INSYN2B: variants seen among roughly 807,000 people sequenced by gnomAD.
The protein encoded by INSYN2B is protein INSYN2B.
A neutral mutation model predicts 41.2 loss-of-function variants in INSYN2B; 16 were observed. The ratio of observed to expected loss-of-function variants is 0.39; its 90% CI spans 0.26 to 0.59. The LOEUF (loss-of-function observed/expected upper bound fraction) is 0.59. Ranked by LOEUF, INSYN2B falls within the 20% of genes least tolerant of loss-of-function variation. The pLI, the probability that INSYN2B is intolerant of heterozygous loss-of-function variation, is 0.57. For missense variants in INSYN2B, 608 were observed against 646.4 expected (o/e 0.94, Z 0.64); for synonymous variants, 245 against 244.4 (o/e 1.00, Z -0.02).
chr5:169,869,734 C>T (rs1561780815), intron 3 of INSYN2B, among the ~76,000 whole-genome samples: 1 of 152,146 alleles, frequency 6.6e-6, no homozygotes, highest in Non-Finnish European at 1.5e-5. Context: ...CTTAGCAGAG[C>T]GTTGTTTGCA....
At chr5:169,956,419 G>A (rs911951294) in intron 1 of INSYN2B, among the ~76,000 whole-genome samples, 3 of 152,106 alleles carry the variant, frequency 2.0e-5, no homozygotes, top group South Asian at 2.1e-4. Flanking sequence ...TCCCTCTCTC[G>A]TGGGTTGTAT....
rs1771291369 is a variant in INSYN2B, at chr5:169,862,850, G to C, written c.*1423C>G. ...GTAGGTACATCCCACGAACACACAG[G>C]ATTCTGTGCTCTGCAAAGATTCTAG... On this transcript the variant is annotated 3_prime_UTR_variant, in exon 4 of 4. Transcript: ENST00000377365. Among the ~76,000 whole-genome samples, 1 of 152,210 alleles carries C rather than the reference G, an allele frequency of 6.6e-6. No homozygotes were observed. Among genetic ancestry groups the C allele is most frequent in the African/African-American group, 2.4e-5 (1 of 41,446 alleles).
chr5:169,958,106 C>T (rs1299686257), intron 1 of INSYN2B, among the ~76,000 whole-genome samples: 1 of 152,178 alleles, frequency 6.6e-6, no homozygotes, highest in African/African-American at 2.4e-5. Flanking sequence ...AAGTGTGAAA[C>T]ATGACGTCCA....
At chr5:169,906,717 A>G (rs982797130) in intron 1 of INSYN2B, among the ~76,000 whole-genome samples, 4 of 152,160 alleles carry the variant, frequency 2.6e-5, no homozygotes, top group Admixed American at 6.5e-5. Flanking sequence ...ATCTAAGCCC[A>G]TTATCTTTCT....
At chr5:169,973,023 C>T (rs539727102) in intron 1 of INSYN2B, among the ~76,000 whole-genome samples, 17 of 152,242 alleles carry the variant, frequency 1.1e-4, no homozygotes, top group African/African-American at 3.6e-4. Flanking sequence ...CTGGATGATA[C>T]GTTTGGCTTG....
chr5:169,934,604 T>C (rs1335264223), intron 1 of INSYN2B: 1 of 455,924 alleles, frequency 2.2e-6, no homozygotes. Flanking sequence ...CTGTCTGACC[T>C]TGGGCAAGAT....
chr5:169,870,701 C>T (rs915028561), intron 3 of INSYN2B, among the ~76,000 whole-genome samples: 1 of 151,940 alleles, frequency 6.6e-6, no homozygotes, highest in Non-Finnish European at 1.5e-5. Context: ...ATGCTGCACC[C>T]ATTAACTCAT....
At position 169,898,751 on chromosome 5, in the gene INSYN2B, A is replaced by G. The variant is rs143420426; in HGVS notation, c.-918-13935T>C. Among the ~76,000 whole-genome samples the G allele has an allele frequency of 1.6e-3, 237 of 152,322 alleles. 1 individual carries two copies. Among genetic ancestry groups the G allele is most frequent in the African/African-American group, 5.5e-3 (228 of 41,562 alleles). On this transcript the variant is annotated intron_variant, in intron 1 of 3. Coordinates refer to ENST00000377365, the MANE Select transcript of INSYN2B (RefSeq NM_001129891.3). ...AACTCTACCGTTGTAGCCTGAAAGC[A>G]CACATGGGCAATATGTAAATGAACA...
intron 3 of INSYN2B, among the ~76,000 whole-genome samples, chr5:169,866,151 A>G (rs1462685889): frequency 6.6e-6 from 1 of 151,996 alleles, no homozygotes; most frequent in African/African-American, 2.4e-5. Flanking sequence ...AGGGAGCACT[A>G]GGAAAGGGTA....
chr5:169,950,388 T>C (rs1776611226), intron 1 of INSYN2B, among the ~76,000 whole-genome samples: 1 of 152,198 alleles, frequency 6.6e-6, no homozygotes. Flanking sequence ...AAAACAGTAG[T>C]ATTATCTCAG....
At chr5:169,881,560 CACGGCCA>C (rs1772650247) in intron 2 of INSYN2B, 118 bp from the exon 3 acceptor site, 3 of 730,694 alleles carry the variant, frequency 4.1e-6, no homozygotes, top group South Asian at 1.6e-5. Context: ...TCTGAAGTTG[CACGGCCA>C]TTACAAATAA....
In INSYN2B at chr5:169,913,267, A is replaced by G. The variant is rs75479599; in HGVS notation, c.-918-28451T>C. Among the ~76,000 whole-genome samples, 297 of 152,318 alleles carry G rather than the reference A, an allele frequency of 1.9e-3. 6 individuals carry two copies. The East Asian group carries it at 0.054, about 28-fold the overall frequency. On this transcript the variant is annotated intron_variant, in intron 1 of 3. Transcript: ENST00000377365. ...TCGGCTCTACTCATCCCAAGAGTAG[A>G]GATAATCTTTCTCTTTGTACAGAAA...
Position 169,863,150 on chromosome 5 carries a change from C to T in INSYN2B, c.*1123G>A, listed in dbSNP as rs191698338. Among the ~76,000 whole-genome samples the T allele has an allele frequency of 2.0e-5, 3 of 152,312 alleles. No homozygotes were observed. The highest frequency in any genetic ancestry group is 1.9e-4 in the East Asian group (1 of 5,180). ...GTCTTGTCAACAGAATGAGCCAGAC[C>T]TTGAATAACTCAGACTTTGGGATGG... On this transcript the variant is annotated 3_prime_UTR_variant, in exon 4 of 4. Transcript: ENST00000377365.
At chr5:169,866,179 T>G (rs1419975709) in intron 3 of INSYN2B, among the ~76,000 whole-genome samples, 1 of 152,244 alleles carries the variant, frequency 6.6e-6, no homozygotes, top group African/African-American at 2.4e-5. Context: ...GTTTTGTTTC[T>G]GCATTTTTCA....
chr5:169,879,977 T>C (rs1398786055), intron 3 of INSYN2B, among the ~76,000 whole-genome samples: 1 of 152,222 alleles, frequency 6.6e-6, no homozygotes, highest in Non-Finnish European at 1.5e-5. Context: ...TTAATTCTTC[T>C]TGTTTATGAT....
chr5:169,932,955 C>G (rs1775825792), intron 1 of INSYN2B, among the ~76,000 whole-genome samples: 1 of 151,040 alleles, frequency 6.6e-6, no homozygotes, highest in South Asian at 2.1e-4. Context: ...CTTCCTCCCA[C>G]CGTCAAGCCC....
chr5:169,913,863 A>C (rs1774737377), intron 1 of INSYN2B, among the ~76,000 whole-genome samples: 1 of 150,856 alleles, frequency 6.6e-6, no homozygotes, highest in Non-Finnish European at 1.5e-5. Context: ...TATACTGAGC[A>C]AGAAGCTTAG....
chr5:169,938,172 T>C (rs1776076298), intron 1 of INSYN2B, among the ~76,000 whole-genome samples: 1 of 152,164 alleles, frequency 6.6e-6, no homozygotes, highest in Non-Finnish European at 1.5e-5. Context: ...TCAAGAAAAG[T>C]TTACAGCTAC....
chr5:169,937,932 C>A (rs1453827456), intron 1 of INSYN2B, among the ~76,000 whole-genome samples: 1 of 152,226 alleles, frequency 6.6e-6, no homozygotes, highest in African/African-American at 2.4e-5. Context: ...CACATCCTCT[C>A]CAGGCCTTTG....
Sources: allele counts gnomAD v4.1 joint callset (sites outside exome capture counted in the v4.1 genomes callset), GRCh38; gene constraint gnomAD v4.1.1; transcripts MANE v1.5; gene names NCBI Gene and HGNC (gene_info 2026-07-23, HGNC 2026-07-21).